Variants in SSPN observed in about 807,000 individuals in gnomAD.
SSPN encodes the protein sarcospan, also known as K-ras oncogene-associated protein.
Under a neutral mutation model 19.1 loss-of-function variants are expected in SSPN, and 15 were observed. That is an observed-to-expected ratio of 0.78 (90% CI 0.52 to 1.21). The LOEUF is 1.21. Among genes scored for constraint, SSPN ranks in the 50% most tolerant of loss-of-function variants. SSPN has a pLI of 0.00. For missense variants in SSPN, 291 were observed against 314.0 expected (o/e 0.93, Z 0.55); for synonymous variants, 147 against 140.3 (o/e 1.05, Z -0.34).
intron 1 of SSPN, among the ~76,000 whole-genome samples, chr12:26,158,299 C>T (rs939511361): frequency 1.4e-4 from 21 of 151,426 alleles, no homozygotes; most frequent in African/African-American, 5.1e-4. Flanking sequence ...TCCTTTCCTC[C>T]TCCCTTCTTT....
At position 26,195,883 on chromosome 12, in the gene SSPN, G is replaced by T. The variant is rs1371278761; in HGVS notation, c.211G>T (p.Gly71Cys). 3 of 1,576,462 alleles carry T rather than the reference G, an allele frequency of 1.9e-6. No homozygotes were observed. The highest frequency in any genetic ancestry group is 4.9e-5 in the East Asian group (2 of 41,218). Reference sequence around the variant, plus strand: ...CCTGGGCATCGCCGTGACCGTGGTGGGCTTCCTCATGGCGAGCATCAGCTC... The same window carrying T: ...CCTGGGCATCGCCGTGACCGTGGTGTGCTTCCTCATGGCGAGCATCAGCTC... ...LALGIAVTVV[G>C]FLMASISSSL... The change falls in exon 1 of 3, where the codon GGC (glycine) becomes TGC (cysteine). Residue 71 changes from glycine to cysteine, a missense_variant. Transcript: ENST00000242729.
At chr12:26,220,593 T>C (rs1945109903) in intron 1 of SSPN, among the ~76,000 whole-genome samples, 1 of 152,228 alleles carries the variant, frequency 6.6e-6, no homozygotes. Context: ...CACTGTTTCC[T>C]ATGGTGTCAA....
chr12:26,124,513 A>C (rs1565665778), intron 1 of SSPN: 1 of 1,613,668 alleles, frequency 6.2e-7, no homozygotes, highest in Middle Eastern at 1.6e-4. Context: ...GGGAACTTAC[A>C]CTTACCTTGG....
At chr12:26,173,232 T>C (rs561746079) in intron 1 of SSPN, among the ~76,000 whole-genome samples, 283 of 152,322 alleles carry the variant, frequency 1.9e-3, no homozygotes, top group African/African-American at 6.7e-3. Context: ...GTGTGTTTCC[T>C]TTCTTTAGAA....
chr12:26,222,347 A>G (rs1265740487), intron 1 of SSPN, among the ~76,000 whole-genome samples: 6 of 152,226 alleles, frequency 3.9e-5, no homozygotes, highest in Non-Finnish European at 8.8e-5. Flanking sequence ...TAGGCAGCTT[A>G]TTGATTATGT....
chr12:26,191,677 TACACACACACACACACAC>T (rs10525695), upstream of SSPN, among the ~76,000 whole-genome samples: 616 of 149,120 alleles, frequency 4.1e-3, 6 homozygotes, highest in African/African-American at 0.013. Flanking sequence ...TAATTTGTTC[TACACACACACACACACAC>T]ACACACACAC....
chr12:26,231,095 C>A lies in SSPN; in HGVS notation c.*19C>A. ...GATCTAACATTCTTGCTCAAAGTTG[C>A]GAGAGAAAGTAGCACATGGAGTAGC... On this transcript the variant is annotated 3_prime_UTR_variant, in exon 3 of 3. Coordinates refer to ENST00000242729, the MANE Select transcript of SSPN (RefSeq NM_005086.5). 6.3e-7 allele frequency: 1 copy of A among 1,593,634 alleles called. No individual in the cohort carries two copies. Among genetic ancestry groups the A allele is most frequent in the Non-Finnish European group, 8.6e-7 (1 of 1,167,622 alleles).
In SSPN at chr12:26,232,444, A is replaced by G. The variant is rs1284514095; in HGVS notation, c.*1368A>G. 10 of 985,342 alleles carry G rather than the reference A, an allele frequency of 1.0e-5. No homozygotes were observed. The highest frequency in any genetic ancestry group is 1.2e-5 in the Non-Finnish European group (10 of 829,936). 61.0% of individuals were successfully genotyped at this position (985,342 alleles called of 1,614,324 possible). On this transcript the variant is annotated 3_prime_UTR_variant, in exon 3 of 3. Coordinates refer to ENST00000242729, the MANE Select transcript of SSPN (RefSeq NM_005086.5). ...GGAGCTAAAAATGGAAATTCATGAA[A>G]CATAAATGGTATCAAGAACTTTATC...
chr12:26,196,258 A>G (rs1308748557), intron 1 of SSPN, among the ~76,000 whole-genome samples: 3 of 152,242 alleles, frequency 2.0e-5, no homozygotes, highest in Non-Finnish European at 2.9e-5. Context: ...AACAGCCTCA[A>G]TAACAACAGC....
At chr12:26,217,835 A>G (rs1945072021) in intron 1 of SSPN, among the ~76,000 whole-genome samples, 1 of 152,186 alleles carries the variant, frequency 6.6e-6, no homozygotes, top group Admixed American at 6.5e-5. Context: ...TGAGATAATC[A>G]TGTGGAGAAA....
At chr12:26,171,553 A>G (rs1944653654) in intron 1 of SSPN, among the ~76,000 whole-genome samples, 1 of 152,184 alleles carries the variant, frequency 6.6e-6, no homozygotes, top group Admixed American at 6.6e-5. Context: ...TGAAGGAGTT[A>G]TGAGAATCTA....
At chr12:26,125,856 G>A (rs1394811347) in intron 1 of SSPN, 1 of 152,182 alleles carries the variant, frequency 6.6e-6, no homozygotes, top group East Asian at 1.9e-4. Context: ...CCACAGAAAA[G>A]CTATGCAGCA....
At chr12:26,158,281 C>A (rs942129063) in intron 1 of SSPN, among the ~76,000 whole-genome samples, 1 of 150,918 alleles carries the variant, frequency 6.6e-6, no homozygotes, top group Non-Finnish European at 1.5e-5. Context: ...TCTTTTCTTT[C>A]TCTGTCTTCC....
intron 1 of SSPN, among the ~76,000 whole-genome samples, chr12:26,220,868 C>T (rs1222470563): frequency 6.6e-6 from 1 of 152,138 alleles, no homozygotes; most frequent in African/African-American, 2.4e-5. Context: ...TTTACTGTCA[C>T]TCAAACACAC....
chr12:26,200,553 A>C (rs1280985588), intron 1 of SSPN, among the ~76,000 whole-genome samples: 4 of 152,168 alleles, frequency 2.6e-5, no homozygotes, highest in African/African-American at 4.8e-5. Flanking sequence ...TAGGGAAAGT[A>C]AGATAATAAT....
chr12:26,201,028 TATATATATATATATATATTATATA>T lies in SSPN; in HGVS notation c.279+5078_279+5101del, dbSNP rs1565685452. 9.9e-3 allele frequency among the ~76,000 whole-genome samples: 343 copies of T among 34,734 alleles called. 8 individuals are homozygous for T. The highest frequency in any genetic ancestry group is 0.037 in the African/African-American group (291 of 7,770). 22.8% of individuals were successfully genotyped at this position (34,734 alleles called of 152,430 possible). ...TAATTTGTGTATATATATATATATA[TATATATATATATATATATTATATA>T]TATATATTTGGAAATAAAATGGAAT... On this transcript the variant is annotated intron_variant, in intron 1 of 2. Coordinates refer to ENST00000242729, the MANE Select transcript of SSPN (RefSeq NM_005086.5).
intron 1 of SSPN, among the ~76,000 whole-genome samples, chr12:26,213,101 C>T (rs768579680): frequency 2.7e-5 from 4 of 149,234 alleles, no homozygotes; most frequent in Non-Finnish European, 5.9e-5. Context: ...TCTCATATGG[C>T]CAGAAAAATA....
chr12:26,137,636 G>A (rs12300567), intron 1 of SSPN, among the ~76,000 whole-genome samples: 37 of 31,370 alleles, frequency 1.2e-3, no homozygotes, highest in African/African-American at 3.0e-3. Context: ...GTGTGTGTAT[G>A]TATATATATA....
intron 1 of SSPN, among the ~76,000 whole-genome samples, chr12:26,202,192 A>G (rs540432783): frequency 6.6e-6 from 1 of 152,350 alleles, no homozygotes; most frequent in South Asian, 2.1e-4. Flanking sequence ...CATGTTCAGT[A>G]CAGACACAAC....
Sources: gnomAD v4.1 joint callset for allele counts (sites outside exome capture counted in the v4.1 genomes callset) on GRCh38, gnomAD v4.1.1 for gene constraint, MANE v1.5 for transcripts, NCBI Gene and HGNC (gene_info 2026-07-23, HGNC 2026-07-21) for gene names.